Variants in DEPDC1B observed in about 807,000 individuals in gnomAD.
DEPDC1B encodes DEP domain-containing protein 1B.
In DEPDC1B, 51 loss-of-function variants were observed where a neutral mutation model predicts 66.5. The ratio of observed to expected loss-of-function variants is 0.77; its 90% CI spans 0.61 to 0.97. DEPDC1B has a LOEUF of 0.97. Among genes scored for constraint, DEPDC1B ranks in the 50% least tolerant of loss-of-function variants. DEPDC1B has a pLI of 0.00. For synonymous variants in DEPDC1B, 226 were observed against 223.6 expected, an observed-to-expected ratio of 1.01 and a Z score of -0.10; for missense variants, 552 against 637.1, an observed-to-expected ratio of 0.87 and a Z score of 1.44.
Position 60,647,395 on chromosome 5 carries a change from T to A in DEPDC1B, c.450+3A>T. 6.3e-7 allele frequency: 1 copy of A among 1,598,388 alleles called. No individual in the cohort carries two copies. The highest frequency in any genetic ancestry group is 1.1e-5 in the South Asian group (1 of 88,030). On this transcript the variant is annotated splice_donor_region_variant and intron_variant, in intron 3 of 10. Coordinates refer to ENST00000265036, the MANE Select transcript of DEPDC1B (RefSeq NM_018369.3). ...CCTTCCATCTTTCAGTCATGGCACT[T>A]ACCATCACAACTGGCCTCACTGGGA...
intron 2 of DEPDC1B, among the ~76,000 whole-genome samples, chr5:60,665,917 A>G (rs1172086420): frequency 6.6e-6 from 1 of 152,178 alleles, no homozygotes; most frequent in African/African-American, 2.4e-5. Context: ...AGGGGGAGGG[A>G]CAATGATTGG....
chr5:60,686,214 G>A (rs1405298665), intron 2 of DEPDC1B, among the ~76,000 whole-genome samples: 1 of 152,186 alleles, frequency 6.6e-6, no homozygotes, highest in African/African-American at 2.4e-5. Flanking sequence ...AGGAAAGCAC[G>A]TAATAAGGGT....
chr5:60,645,252 C>T (rs112181716), intron 4 of DEPDC1B, among the ~76,000 whole-genome samples: 66 of 152,110 alleles, frequency 4.3e-4, no homozygotes, highest in African/African-American at 1.6e-3. Flanking sequence ...TCTAGGAGAC[C>T]AAATTTTCTA....
At chr5:60,603,335 G>A (rs1752239278) in intron 9 of DEPDC1B, 56 bp downstream of exon 9, 2 of 1,430,060 alleles carry the variant, frequency 1.4e-6, no homozygotes, top group Non-Finnish European at 1.8e-6. Flanking sequence ...AGCCTAGCAA[G>A]CTTACGTGAC....
At chr5:60,655,793 T>A (rs1753561633) in intron 2 of DEPDC1B, among the ~76,000 whole-genome samples, 1 of 149,098 alleles carries the variant, frequency 6.7e-6, no homozygotes, top group South Asian at 2.2e-4. Context: ...TTTTGCTGTA[T>A]CCCAGAGATT....
intron 5 of DEPDC1B, among the ~76,000 whole-genome samples, chr5:60,643,756 GT>G (rs1753244625): frequency 6.6e-6 from 1 of 152,158 alleles, no homozygotes; most frequent in Admixed American, 6.5e-5. Context: ...AATTTTATAT[GT>G]TGATATTAAC....
chr5:60,700,141 CA>C lies in DEPDC1B; in HGVS notation c.-49del. ...CAGCCGCGCCAGCGCTGATCCCCGCCAGCCGGAGGAGCAGCAGTTTGAATCC... is the reference window on the plus strand; with the variant it reads ...CAGCCGCGCCAGCGCTGATCCCCGCCGCCGGAGGAGCAGCAGTTTGAATCC... On this transcript the variant is annotated 5_prime_UTR_variant, in exon 1 of 11. Coordinates refer to ENST00000265036, the MANE Select transcript of DEPDC1B (RefSeq NM_018369.3). The C allele has an allele frequency of 6.6e-7, 1 of 1,525,242 alleles. No individual in the cohort carries two copies. The highest frequency in any genetic ancestry group is 1.4e-5 in the African/African-American group (1 of 71,154). The allele number at this position is 1,525,242 out of a possible 1,614,324, so 94.5% of individuals were successfully genotyped here.
rs1365474058 is a variant in DEPDC1B at position 60,606,601 on chromosome 5, C to T, written c.899-745G>A. ...CAGCCTGGGCAACATAGTGAGAACC[C>T]ATTTCTACAAAAAAAAAAAAAAAAA... On this transcript the variant is annotated intron_variant, in intron 7 of 10. Coordinates refer to ENST00000265036, the MANE Select transcript of DEPDC1B (RefSeq NM_018369.3). 1.5e-4 allele frequency among the ~76,000 whole-genome samples: 15 copies of T among 98,798 alleles called. No homozygotes were observed. In the Admixed American group the frequency reaches 2.0e-3, roughly 13 times the overall value. 64.8% of individuals were successfully genotyped at this position (98,798 alleles called of 152,430 possible). A position where few individuals can be genotyped will look rare whatever the true frequency, so the allele number is the denominator to read the frequency against.
At chr5:60,606,700 G>T (rs1217801735) in intron 7 of DEPDC1B, among the ~76,000 whole-genome samples, 1 of 151,686 alleles carries the variant, frequency 6.6e-6, no homozygotes, top group Non-Finnish European at 1.5e-5. Context: ...AGCTGAAGGA[G>T]GAGAACTGTT....
At chr5:60,616,605 C>T (rs565270981) in intron 7 of DEPDC1B, among the ~76,000 whole-genome samples, 12 of 152,202 alleles carry the variant, frequency 7.9e-5, no homozygotes, top group South Asian at 2.1e-4. Context: ...TAAAAAGAAA[C>T]GAACAAAGCC....
intron 6 of DEPDC1B, among the ~76,000 whole-genome samples, chr5:60,641,009 C>A (rs1379619467): frequency 6.6e-6 from 1 of 152,192 alleles, no homozygotes; most frequent in African/African-American, 2.4e-5. Context: ...GATATGCCAG[C>A]CACTCATAAA....
At chr5:60,678,791 T>C (rs529035116) in intron 2 of DEPDC1B, among the ~76,000 whole-genome samples, 1 of 152,364 alleles carries the variant, frequency 6.6e-6, no homozygotes, top group East Asian at 1.9e-4. Context: ...ATATTCTTGA[T>C]AGCACTCCAC....
At chr5:60,689,173 C>A in intron 1 of DEPDC1B, 1 of 411,632 alleles carries the variant, frequency 2.4e-6, no homozygotes, top group Non-Finnish European at 4.9e-6. Context: ...AGTTTCCTTC[C>A]ACTACAAGAT....
chr5:60,672,057 C>T (rs1314296157), intron 2 of DEPDC1B, among the ~76,000 whole-genome samples: 3 of 152,244 alleles, frequency 2.0e-5, no homozygotes, highest in African/African-American at 7.2e-5. Flanking sequence ...TTAAGCAATT[C>T]TGACAGAGGT....
intron 7 of DEPDC1B, among the ~76,000 whole-genome samples, chr5:60,631,936 A>G (rs893011362): frequency 2.6e-5 from 4 of 152,208 alleles, no homozygotes; most frequent in Admixed American, 1.3e-4. Flanking sequence ...CATTCTGGCT[A>G]TCCTGGGAAT....
chr5:60,683,443 G>C (rs908492650), intron 2 of DEPDC1B, among the ~76,000 whole-genome samples: 2 of 151,948 alleles, frequency 1.3e-5, no homozygotes, highest in Non-Finnish European at 2.9e-5. Context: ...AAAAGAAAGA[G>C]AGAATGCAGT....
chr5:60,637,109 T>C (rs1361773379), intron 7 of DEPDC1B, among the ~76,000 whole-genome samples: 5 of 152,208 alleles, frequency 3.3e-5, no homozygotes, highest in Non-Finnish European at 7.3e-5. Context: ...TTTAATACAA[T>C]CTTTAAAACT....
intron 7 of DEPDC1B, among the ~76,000 whole-genome samples, chr5:60,619,149 A>C (rs1267782900): frequency 6.6e-6 from 1 of 152,222 alleles, no homozygotes; most frequent in Non-Finnish European, 1.5e-5. Context: ...CCAAATAATA[A>C]GAGCTATTTA....
intron 7 of DEPDC1B, among the ~76,000 whole-genome samples, chr5:60,607,982 G>A (rs553801972): frequency 1.3e-5 from 2 of 152,112 alleles, no homozygotes; most frequent in Non-Finnish European, 2.9e-5. Context: ...TAAAGACTGA[G>A]GGGTTCATTA....
Sources: gnomAD v4.1 joint callset for allele counts (sites outside exome capture counted in the v4.1 genomes callset) on GRCh38, gnomAD v4.1.1 for gene constraint, MANE v1.5 for transcripts, NCBI Gene and HGNC (gene_info 2026-07-23, HGNC 2026-07-21) for gene names.